LRIG2: variants seen among roughly 807,000 people sequenced by gnomAD.
LRIG2 encodes the protein leucine-rich repeats and immunoglobulin-like domains protein 2.
A neutral mutation model predicts 107.8 loss-of-function variants in LRIG2; 93 were observed. The observed-to-expected ratio is 0.86, with a 90% CI of 0.73 to 1.03. The LOEUF (loss-of-function observed/expected upper bound fraction) is 1.03, where lower values mean the gene tolerates loss of function less well. LRIG2 is among the 50% of genes least tolerant of loss of function. The probability of loss-of-function intolerance (pLI) is 0.00; values close to 1 mark genes in which losing one functional copy is unlikely to be tolerated. For missense variants in LRIG2, 1,226 were observed against 1,296.0 expected (o/e 0.95, Z 0.83); for synonymous variants, 471 against 470.6 (o/e 1.00, Z -0.01).
At chr1:113,085,016 G>A (rs6689860) in intron 1 of LRIG2, among the ~76,000 whole-genome samples, 6,908 of 152,206 alleles carry the variant, frequency 0.045, 531 homozygotes, top group African/African-American at 0.16. Context: ...CATGTTTGGC[G>A]GAAAAACCTG....
intron 7 of LRIG2, 71 bp from the exon 8 acceptor site, chr1:113,096,151 T>C: frequency 6.3e-7 from 1 of 1,583,544 alleles, no homozygotes; most frequent in Non-Finnish European, 8.6e-7. Context: ...ATTTACCATG[T>C]AGATATAATA....
At chr1:113,086,135 C>T (rs1484789554) in intron 1 of LRIG2, among the ~76,000 whole-genome samples, 1 of 150,178 alleles carries the variant, frequency 6.7e-6, no homozygotes, top group Non-Finnish European at 1.5e-5. Context: ...CTCTGAGTAG[C>T]TGGGATTACA....
intron 1 of LRIG2, among the ~76,000 whole-genome samples, chr1:113,080,992 C>T (rs1653255670): frequency 6.6e-6 from 1 of 151,844 alleles, no homozygotes; most frequent in East Asian, 1.9e-4. Context: ...TACAGGCATG[C>T]ACCACACGCC....
intron 11 of LRIG2, chr1:113,100,717 C>G: frequency 2.6e-6 from 1 of 385,440 alleles, no homozygotes; most frequent in South Asian, 4.3e-5. Context: ...CCTGTTCTAC[C>G]AATGCTTATA....
intron 17 of LRIG2, among the ~76,000 whole-genome samples, 185 bp downstream of exon 17, chr1:113,119,708 C>T (rs536859162): frequency 5.3e-4 from 81 of 152,276 alleles, no homozygotes; most frequent in African/African-American, 1.8e-3. Flanking sequence ...ACAAAGAAGT[C>T]TTCATCTATA....
intron 17 of LRIG2, among the ~76,000 whole-genome samples, chr1:113,120,895 T>C (rs985676336): frequency 6.9e-6 from 1 of 145,948 alleles, no homozygotes; most frequent in African/African-American, 2.5e-5. Flanking sequence ...CTCAACTCAC[T>C]GCAACCTCTG....
Position 113,096,390 on chromosome 1 carries a change from GGTT to G in LRIG2, c.1091+32_1091+34del, listed in dbSNP as rs771250889. On this transcript the variant is annotated intron_variant, in intron 8 of 17. Transcript: ENST00000361127. ...TGTAAGTATATCCATTCTCCTTTTT[GGTT>G]GTTGTTACTGATTTTTTTAGTACAA... is the stretch of plus-strand genomic sequence containing the variant. 2.1e-5 allele frequency: 34 copies of G among 1,595,582 alleles called. 1 individual carries two copies. The highest frequency in any genetic ancestry group is 5.7e-5 in the South Asian group (5 of 87,526).
chr1:113,129,447 A>T lies in LRIG2; in HGVS notation c.*5346A>T, dbSNP rs1305049841. ...CATTGTGTCAACTCAGATGGTTGAG[A>T]TGTCCTTAGATATTCCTAGCTTGCC... On this transcript the variant is annotated 3_prime_UTR_variant, in exon 18 of 18. Coordinates refer to ENST00000361127, the MANE Select transcript of LRIG2 (RefSeq NM_014813.3). 1 of 151,978 alleles carries T rather than the reference A, an allele frequency of 6.6e-6. No homozygotes were observed. Among genetic ancestry groups the T allele is most frequent in the Non-Finnish European group, 1.5e-5 (1 of 68,028 alleles). 9.4% of individuals were successfully genotyped at this position (151,978 alleles called of 1,614,324 possible).
intron 12 of LRIG2, among the ~76,000 whole-genome samples, chr1:113,108,102 G>A (rs1728238): frequency 0.39 from 58,836 of 151,898 alleles, 11,683 homozygotes; most frequent in East Asian, 0.65. Flanking sequence ...CTGATTCTGT[G>A]TGTTTCATAT....
chr1:113,105,438 A>G (rs1006546148), intron 11 of LRIG2, among the ~76,000 whole-genome samples: 20 of 152,228 alleles, frequency 1.3e-4, no homozygotes, highest in Admixed American at 1.3e-3. Flanking sequence ...ATAATTATAT[A>G]ACTTTAATGG....
chr1:113,119,928 G>A lies in LRIG2; in HGVS notation c.2971+405G>A, dbSNP rs1007374025. ...TGGTTCAAGCAATTCTCATGCCTCA[G>A]CCTCCCAAGAAGCTGGGACTACAGG... On this transcript the variant is annotated intron_variant, in intron 17 of 17. Coordinates refer to ENST00000361127, the MANE Select transcript of LRIG2 (RefSeq NM_014813.3). Among the ~76,000 whole-genome samples, 4 of 152,114 alleles carry A rather than the reference G, an allele frequency of 2.6e-5. No homozygotes were observed. The East Asian group carries it at 7.9e-4, about 30-fold the overall frequency.
intron 1 of LRIG2, among the ~76,000 whole-genome samples, chr1:113,081,669 C>T (rs990669790): frequency 2.6e-5 from 4 of 151,888 alleles, no homozygotes; most frequent in South Asian, 4.2e-4. Context: ...TACAGGCACC[C>T]GCCACGAGGC....
chr1:113,079,970 C>T (rs1431453301), intron 1 of LRIG2, among the ~76,000 whole-genome samples: 6 of 148,336 alleles, frequency 4.0e-5, no homozygotes, highest in Middle Eastern at 3.4e-3. Context: ...CCTCGTGATC[C>T]GCCTGCCTCA....
chr1:113,104,762 C>T (rs1328472332), intron 11 of LRIG2, among the ~76,000 whole-genome samples: 2 of 152,100 alleles, frequency 1.3e-5, no homozygotes, highest in African/African-American at 4.8e-5. Flanking sequence ...CTCAAAAGAC[C>T]TGGGCCCATA....
Position 113,100,196 on chromosome 1 carries a change from C to T in LRIG2, c.1173-15C>T, listed in dbSNP as rs763014538. On this transcript the variant is annotated splice_polypyrimidine_tract_variant and intron_variant, in intron 9 of 17. Coordinates refer to ENST00000361127, the MANE Select transcript of LRIG2 (RefSeq NM_014813.3). The stretch of plus-strand genomic sequence containing the variant: ...TAGTGGAGAGCTTTCTTAGAAAGAT[C>T]TGTTTATATTTCAGAATCTTACAAG... The T allele has an allele frequency of 1.2e-5, 17 of 1,475,010 alleles. No homozygotes were observed. The highest frequency in any genetic ancestry group is 2.3e-5 in the East Asian group (1 of 43,520). The allele number at this position is 1,475,010 out of a possible 1,614,324, so 91.4% of individuals were successfully genotyped here.
intron 9 of LRIG2, among the ~76,000 whole-genome samples, chr1:113,099,644 T>C (rs552681214): frequency 1.5e-4 from 23 of 152,300 alleles, no homozygotes; most frequent in Admixed American, 5.2e-4. Flanking sequence ...GAAGTAGAAT[T>C]TCTATTCAAG....
chr1:113,091,897 T>C (rs1653844356), intron 2 of LRIG2, among the ~76,000 whole-genome samples: 1 of 152,244 alleles, frequency 6.6e-6, no homozygotes, highest in Admixed American at 6.5e-5. Context: ...TTCTAAGATA[T>C]TATTAATATT....
chr1:113,077,465 A>G (rs1436460878), intron 1 of LRIG2, among the ~76,000 whole-genome samples: 1 of 152,172 alleles, frequency 6.6e-6, no homozygotes, highest in African/African-American at 2.4e-5. Flanking sequence ...TTTGTCTTGG[A>G]TCAGTATTGG....
chr1:113,107,287 T>TA (rs1439616337), intron 11 of LRIG2, among the ~76,000 whole-genome samples: 12 of 152,124 alleles, frequency 7.9e-5, no homozygotes, highest in Admixed American at 2.0e-4. Context: ...TCCCCAATGT[T>TA]AAAAAAAGTC....
Sources: allele counts gnomAD v4.1 joint callset (sites outside exome capture counted in the v4.1 genomes callset), GRCh38; gene constraint gnomAD v4.1.1; transcripts MANE v1.5; gene names NCBI Gene and HGNC (gene_info 2026-07-23, HGNC 2026-07-21).